Variants in FOXP1 observed in about 807,000 individuals in gnomAD.
FOXP1 encodes forkhead box protein P1.
A neutral mutation model predicts 98.2 loss-of-function variants in FOXP1; 15 were observed. That is an observed-to-expected ratio of 0.15 (90% CI 0.10 to 0.24). The LOEUF (loss-of-function observed/expected upper bound fraction) is 0.24. Ranked by LOEUF, FOXP1 falls within the 10% of genes least tolerant of loss-of-function variation. The pLI is 1.00. For synonymous variants in FOXP1, 371 were observed against 314.5 expected, an observed-to-expected ratio of 1.18 and a Z score of -1.90; for missense variants, 633 against 848.5, an observed-to-expected ratio of 0.75 and a Z score of 3.15.
intron 5 of FOXP1, among the ~76,000 whole-genome samples, chr3:71,276,786 A>AG (rs1044052212): frequency 5.3e-5 from 8 of 152,086 alleles, no homozygotes; most frequent in Non-Finnish European, 1.2e-4. Flanking sequence ...TAGGTGTTTG[A>AG]GACTAATTAT....
chr3:70,996,531 C>T (rs2041389861), intron 13 of FOXP1, among the ~76,000 whole-genome samples: 1 of 152,208 alleles, frequency 6.6e-6, no homozygotes, highest in Admixed American at 6.5e-5. Flanking sequence ...GGAAAAATTG[C>T]ATCTTTTTCT....
At chr3:71,181,095 G>A (rs2062263227) in intron 6 of FOXP1, among the ~76,000 whole-genome samples, 1 of 152,160 alleles carries the variant, frequency 6.6e-6, no homozygotes, top group Non-Finnish European at 1.5e-5. Context: ...TCGCCTCAAT[G>A]AGGAAAGACA....
intron 3 of FOXP1, among the ~76,000 whole-genome samples, chr3:71,383,175 C>T (rs1340870653): frequency 6.6e-6 from 1 of 152,166 alleles, no homozygotes; most frequent in Non-Finnish European, 1.5e-5. Context: ...AGAAGATGGG[C>T]CAGCTCCAGG....
chr3:70,959,047 A>C lies in FOXP1; in HGVS notation c.*200T>G. 1.7e-6 allele frequency: 1 copy of C among 600,230 alleles called. No individual in the cohort carries two copies. The allele number at this position is 600,230 out of a possible 1,614,324, so 37.2% of individuals were successfully genotyped here. A position where few individuals can be genotyped will look rare whatever the true frequency, so the allele number is the denominator to read the frequency against. ...AGAGTACAAATTCCTTTTTTCAACA[A>C]AAAGTAGAAAAATCAAAAATACTCC... On this transcript the variant is annotated 3_prime_UTR_variant, in exon 21 of 21. Coordinates refer to ENST00000649528, the MANE Select transcript of FOXP1 (RefSeq NM_001349338.3).
At chr3:70,972,747 CA>C in intron 17 of FOXP1, 71 bp from the exon 18 acceptor site, 6 of 1,490,578 alleles carry the variant, frequency 4.0e-6, no homozygotes, top group Non-Finnish European at 5.6e-6. Flanking sequence ...GCAGTAAATT[CA>C]GCCTAACAGT....
At chr3:71,161,607 A>G (rs940900555) in intron 6 of FOXP1, among the ~76,000 whole-genome samples, 3 of 152,232 alleles carry the variant, frequency 2.0e-5, no homozygotes, top group Admixed American at 1.3e-4. Context: ...GAAGAAAGGA[A>G]TGGAAAAGAA....
At chr3:71,312,440 G>A (rs1244688059) in intron 4 of FOXP1, among the ~76,000 whole-genome samples, 2 of 152,200 alleles carry the variant, frequency 1.3e-5, no homozygotes, top group African/African-American at 4.8e-5. Flanking sequence ...CCCTTGGAAG[G>A]AGCTGCTTAC....
chr3:71,042,541 T>C (rs2048490788), intron 10 of FOXP1, among the ~76,000 whole-genome samples: 1 of 152,106 alleles, frequency 6.6e-6, no homozygotes, highest in Non-Finnish European at 1.5e-5. Context: ...GCAACAAAAC[T>C]TCCTTTGGAG....
chr3:71,089,913 G>A (rs952430837), intron 7 of FOXP1, among the ~76,000 whole-genome samples: 1 of 152,176 alleles, frequency 6.6e-6, no homozygotes, highest in African/African-American at 2.4e-5. Context: ...TGGCAAAGTG[G>A]GAATGGGCAG....
At chr3:71,522,963 GAA>G (rs1430399556) in intron 2 of FOXP1, among the ~76,000 whole-genome samples, 1 of 152,076 alleles carries the variant, frequency 6.6e-6, no homozygotes, top group Non-Finnish European at 1.5e-5. Context: ...TGAACTGAGC[GAA>G]AAGAGAAGGT....
intron 5 of FOXP1, among the ~76,000 whole-genome samples, chr3:71,199,904 T>C (rs2063555663): frequency 6.6e-6 from 1 of 151,760 alleles, no homozygotes; most frequent in East Asian, 2.0e-4. Flanking sequence ...GGTGAAACCC[T>C]GCCTCTACTA....
At chr3:71,182,034 CAAAAAAAAG>C (rs1462756623) in intron 6 of FOXP1, among the ~76,000 whole-genome samples, 6 of 105,824 alleles carry the variant, frequency 5.7e-5, no homozygotes, top group East Asian at 2.3e-4. Context: ...GACTCCATCT[CAAAAAAAAG>C]AAAAAAAAGA....
intron 14 of FOXP1, 134 bp from the exon 15 acceptor site, chr3:70,978,163 A>T: frequency 2.7e-6 from 2 of 736,730 alleles, no homozygotes; most frequent in Non-Finnish European, 4.8e-6. Context: ...GTTTACCATG[A>T]ACCGAAACAC....
At chr3:71,578,965 T>C (rs905202966) in intron 2 of FOXP1, among the ~76,000 whole-genome samples, 1 of 152,244 alleles carries the variant, frequency 6.6e-6, no homozygotes, top group Non-Finnish European at 1.5e-5. Flanking sequence ...CATCCATGTG[T>C]ATGTTTAACC....
intron 4 of FOXP1, among the ~76,000 whole-genome samples, chr3:71,313,057 CTTTTTT>C (rs1227506558): frequency 1.7e-5 from 2 of 119,032 alleles, no homozygotes; most frequent in African/African-American, 3.2e-5. Flanking sequence ...AACTTTAATT[CTTTTTT>C]TTTTTTTTTT....
chr3:71,519,762 T>C (rs910484375), intron 2 of FOXP1, among the ~76,000 whole-genome samples: 2 of 152,262 alleles, frequency 1.3e-5, no homozygotes, highest in Non-Finnish European at 2.9e-5. Context: ...GTAAGTACTT[T>C]AAATGACAAA....
chr3:71,027,046 A>G (rs986650881), intron 11 of FOXP1, among the ~76,000 whole-genome samples: 3 of 152,234 alleles, frequency 2.0e-5, no homozygotes, highest in Non-Finnish European at 4.4e-5. Flanking sequence ...TAACACTGGG[A>G]TCTCGTTAAG....
intron 5 of FOXP1, among the ~76,000 whole-genome samples, chr3:71,234,004 T>G (rs1416424384): frequency 6.6e-6 from 1 of 152,138 alleles, no homozygotes; most frequent in Non-Finnish European, 1.5e-5. Context: ...GTCCTGGTTT[T>G]TATACAACCC....
intron 3 of FOXP1, among the ~76,000 whole-genome samples, chr3:71,366,650 A>G (rs553658246): frequency 6.6e-6 from 1 of 152,362 alleles, no homozygotes; most frequent in South Asian, 2.1e-4. Context: ...TAAAAAAAGA[A>G]GAAACATTTT....
Sources: allele counts gnomAD v4.1 joint callset (sites outside exome capture counted in the v4.1 genomes callset), GRCh38; gene constraint gnomAD v4.1.1; transcripts MANE v1.5; gene names NCBI Gene and HGNC (gene_info 2026-07-23, HGNC 2026-07-21).